The following SPTLC3 variants were observed in gnomAD, a reference collection of about 807,000 sequenced individuals.
SPTLC3 encodes serine palmitoyltransferase 3.
SPTLC3 carries 36 observed loss-of-function variants against 59.3 expected under a neutral mutation model. The ratio of observed to expected loss-of-function variants is 0.61; its 90% CI spans 0.47 to 0.80. SPTLC3 has a LOEUF of 0.80. SPTLC3 is among the 30% of genes least tolerant of loss of function. SPTLC3 has a pLI of 0.00. For synonymous variants in SPTLC3, 257 were observed against 240.8 expected (o/e 1.07, Z -0.62); for missense variants, 625 against 685.1 (o/e 0.91, Z 0.98).
chr20:13,154,252 C>A (rs1045272449), intron 10 of SPTLC3, 114 bp downstream of exon 10: 2 of 1,363,024 alleles, frequency 1.5e-6, no homozygotes, highest in East Asian at 2.4e-5. Context: ...GTTCAGAATT[C>A]ACTCGTACGG....
At chr20:13,092,182 T>C (rs1453491821) in intron 5 of SPTLC3, among the ~76,000 whole-genome samples, 1 of 152,174 alleles carries the variant, frequency 6.6e-6, no homozygotes, top group African/African-American at 2.4e-5. Flanking sequence ...GAACAGCATG[T>C]GTAAAATACA....
At chr20:13,098,703 A>G (rs921494461) in intron 6 of SPTLC3, among the ~76,000 whole-genome samples, 5 of 152,174 alleles carry the variant, frequency 3.3e-5, no homozygotes, top group African/African-American at 1.2e-4. Context: ...ATTTATTGAG[A>G]AAGTCCTCTG....
intron 1 of SPTLC3, among the ~76,000 whole-genome samples, chr20:13,022,235 G>A (rs77419120): frequency 1.5e-3 from 224 of 152,188 alleles, no homozygotes; most frequent in African/African-American, 5.2e-3. Context: ...AACATGAGCT[G>A]ACCTTCACAG....
intron 8 of SPTLC3, among the ~76,000 whole-genome samples, chr20:13,124,533 G>A (rs1412004203): frequency 6.6e-6 from 1 of 151,996 alleles, no homozygotes; most frequent in African/African-American, 2.4e-5. Context: ...TTGAAGTGAA[G>A]GAGAAGATGG....
chr20:13,048,293 A>T (rs532714544), intron 1 of SPTLC3, among the ~76,000 whole-genome samples: 104 of 152,322 alleles, frequency 6.8e-4, no homozygotes, highest in African/African-American at 2.4e-3. Context: ...AAAGAAAACA[A>T]TTTGATGAAG....
At chr20:13,010,255 C>A (rs1472611528) in intron 1 of SPTLC3, among the ~76,000 whole-genome samples, 1 of 152,064 alleles carries the variant, frequency 6.6e-6, no homozygotes, top group Non-Finnish European at 1.5e-5. Flanking sequence ...CCCAAGTAGT[C>A]AAACAGGTAG....
At chr20:13,125,092 G>A (rs1287974205) in intron 8 of SPTLC3, among the ~76,000 whole-genome samples, 1 of 152,196 alleles carries the variant, frequency 6.6e-6, no homozygotes, top group East Asian at 1.9e-4. Context: ...CCCAGGCCAT[G>A]AGACACTGTA....
Position 13,126,628 on chromosome 20 carries a change from C to T in SPTLC3, c.1190C>T (p.Ala397Val), listed in dbSNP as rs757249543. The change falls in exon 9 of 12, where the codon GCT becomes GTT. Residue 397 changes from alanine to valine, a missense_variant. By Grantham distance (64) the Ala-to-Val change is moderately conservative. Coordinates refer to ENST00000399002, the MANE Select transcript of SPTLC3 (RefSeq NM_018327.4). Reference sequence around the variant, plus strand: ...TATTTACGGGTTCACTCGCATAGTGCTGTTTATGCTTCATCCATGAGCCCA... The same window carrying T: ...TATTTACGGGTTCACTCGCATAGTGTTGTTTATGCTTCATCCATGAGCCCA... ...VDYLRVHSHSAVYASSMSPPI... is the reference protein window; with the variant it reads ...VDYLRVHSHSVVYASSMSPPI... 5.6e-6 allele frequency: 9 copies of T among 1,613,944 alleles called. No homozygotes were observed. The highest frequency in any genetic ancestry group is 7.6e-6 in the Non-Finnish European group (9 of 1,179,954).
At chr20:13,028,512 A>G (rs1317756761) in intron 1 of SPTLC3, among the ~76,000 whole-genome samples, 1 of 152,210 alleles carries the variant, frequency 6.6e-6, no homozygotes, top group Non-Finnish European at 1.5e-5. Flanking sequence ...TCTGATTAAG[A>G]GACAGTCCCT....
chr20:13,061,248 A>T (rs1987960683), intron 2 of SPTLC3, among the ~76,000 whole-genome samples: 4 of 152,162 alleles, frequency 2.6e-5, no homozygotes, highest in Admixed American at 2.6e-4. Flanking sequence ...TCTTTCTAGA[A>T]AGCTGCATAT....
In SPTLC3 at chr20:13,133,370, C is replaced by A. The variant is rs555353008; in HGVS notation, c.1279+6653C>A. 3.3e-5 allele frequency among the ~76,000 whole-genome samples: 5 copies of A among 151,598 alleles called. No individual in the cohort carries two copies. The South Asian group carries it at 1.0e-3, about 32-fold the overall frequency. ...TTGAGAATCACTGCTGCATAATGAC[C>A]CTGTAGTCACTCTTTCCCTCCCATC... On this transcript the variant is annotated intron_variant, in intron 9 of 11. Transcript: ENST00000399002.
intron 11 of SPTLC3, among the ~76,000 whole-genome samples, chr20:13,161,202 G>T (rs1478276379): frequency 1.3e-5 from 2 of 152,176 alleles, no homozygotes; most frequent in Non-Finnish European, 2.9e-5. Flanking sequence ...ACAATTTGAG[G>T]TCTTTAGCCC....
chr20:13,137,095 A>G (rs1450904640), intron 9 of SPTLC3, among the ~76,000 whole-genome samples: 1 of 149,934 alleles, frequency 6.7e-6, no homozygotes, highest in Non-Finnish European at 1.5e-5. Context: ...TTGTGCTGGT[A>G]CAAGAAGTTC....
At chr20:13,047,436 T>C (rs1458277857) in intron 1 of SPTLC3, among the ~76,000 whole-genome samples, 1 of 152,164 alleles carries the variant, frequency 6.6e-6, no homozygotes, top group Non-Finnish European at 1.5e-5. Context: ...TAAATATTAG[T>C]AGAGATCTGA....
intron 2 of SPTLC3, 112 bp from the exon 3 acceptor site, chr20:13,072,144 T>C (rs1988462149): frequency 8.4e-7 from 1 of 1,185,538 alleles, no homozygotes; most frequent in Non-Finnish European, 1.2e-6. Context: ...TCAAAATATA[T>C]CTGTAGATGT....
intron 1 of SPTLC3, among the ~76,000 whole-genome samples, chr20:13,047,779 G>A (rs2122494527): frequency 6.6e-6 from 1 of 152,100 alleles, no homozygotes; most frequent in East Asian, 1.9e-4. Flanking sequence ...AAAAATTTCA[G>A]ACATACAGAA....
At position 13,159,671 on chromosome 20, in the gene SPTLC3, A is replaced by G. The variant is rs78156637; in HGVS notation, c.1416-332A>G. 6.1e-3 allele frequency among the ~76,000 whole-genome samples: 928 copies of G among 152,294 alleles called. 13 individuals are homozygous for G. Among genetic ancestry groups the G allele is most frequent in the African/African-American group, 0.021 (856 of 41,554 alleles). ...CCTAGGGACCCTGCAGATGGATTTT[A>G]TATCACTGCAGATTTGTTAAACCAG... On this transcript the variant is annotated intron_variant, in intron 10 of 11. Coordinates refer to ENST00000399002, the MANE Select transcript of SPTLC3 (RefSeq NM_018327.4).
chr20:13,143,157 C>A (rs1158935220), intron 9 of SPTLC3, among the ~76,000 whole-genome samples: 2 of 152,102 alleles, frequency 1.3e-5, no homozygotes, highest in African/African-American at 2.4e-5. Context: ...GAGGACATGT[C>A]TTGGGCACCA....
intron 9 of SPTLC3, among the ~76,000 whole-genome samples, chr20:13,146,057 A>C (rs1017198303): frequency 7.9e-5 from 12 of 152,252 alleles, no homozygotes; most frequent in African/African-American, 2.9e-4. Context: ...TGAATAAAGA[A>C]AATTTGGTAC....
Sources: gnomAD v4.1 joint callset for allele counts (sites outside exome capture counted in the v4.1 genomes callset) on GRCh38, gnomAD v4.1.1 for gene constraint, MANE v1.5 for transcripts, NCBI Gene and HGNC (gene_info 2026-07-23, HGNC 2026-07-21) for gene names.